Variants in STK17A observed in about 807,000 individuals in gnomAD.
STK17A encodes serine/threonine-protein kinase 17A.
STK17A carries 26 observed loss-of-function variants against 43.7 expected under a neutral mutation model. That is an observed-to-expected ratio of 0.60 (90% CI 0.44 to 0.83). The LOEUF is 0.83. Ranked by LOEUF, STK17A falls within the 40% of genes least tolerant of loss-of-function variation. The pLI is 0.00. For synonymous variants in STK17A, 191 were observed against 182.5 expected, an observed-to-expected ratio of 1.05 and a Z score of -0.38; for missense variants, 476 against 511.6, an observed-to-expected ratio of 0.93 and a Z score of 0.67.
At chr7:43,620,119 A>T (rs1040081672) in intron 4 of STK17A, among the ~76,000 whole-genome samples, 5 of 152,186 alleles carry the variant, frequency 3.3e-5, no homozygotes, top group African/African-American at 1.2e-4. Flanking sequence ...AGAAGTGTGG[A>T]GCAGAGAGGG....
chr7:43,603,340 G>A (rs1383463614), intron 2 of STK17A, among the ~76,000 whole-genome samples: 1 of 152,034 alleles, frequency 6.6e-6, no homozygotes, highest in African/African-American at 2.4e-5. Context: ...ATTCTCAGCC[G>A]CATCAATAGA....
In STK17A at chr7:43,624,789, T is replaced by C; in HGVS notation, c.1192T>C (p.Phe398Leu). 2.5e-6 allele frequency: 4 copies of C among 1,610,706 alleles called. No individual in the cohort carries two copies. The highest frequency in any genetic ancestry group is 3.4e-6 in the Non-Finnish European group (4 of 1,178,124). ...KMEQKAISKR[F>L]KFEEPLLQEI... ...GGAGCAAAAGGCCATTTCCAAACGATTTAAATTTGAGGAACCTTTGCTACA... is the reference window on the plus strand; with the variant it reads ...GGAGCAAAAGGCCATTTCCAAACGACTTAAATTTGAGGAACCTTTGCTACA... The change falls in exon 7 of 7, where the codon TTT becomes CTT. Residue 398 changes from phenylalanine to leucine, a missense_variant. By Grantham distance (22) the Phe-to-Leu change is conservative. Around this residue, in one of 3 missense-constraint regions of STK17A, gnomAD observed 110 missense variants for 103.7 expected, o/e 1.06. Coordinates refer to ENST00000319357, the MANE Select transcript of STK17A (RefSeq NM_004760.3).
At position 43,586,103 on chromosome 7, in the gene STK17A, C is replaced by T. The variant is rs187696381; in HGVS notation, c.206+2654C>T. Among the ~76,000 whole-genome samples, 149 of 151,634 alleles carry T rather than the reference C, an allele frequency of 9.8e-4. 1 individual carries two copies. Among genetic ancestry groups the T allele is most frequent in the African/African-American group, 3.3e-3 (137 of 41,500 alleles). On this transcript the variant is annotated intron_variant, in intron 1 of 6. Transcript: ENST00000319357. ...AACTCTGGTTGCATTTCTGATATAACTAATTAATCTCACGCTGATAAAGAA... is the reference window on the plus strand; with the variant it reads ...AACTCTGGTTGCATTTCTGATATAATTAATTAATCTCACGCTGATAAAGAA...
At position 43,604,136 on chromosome 7, in the gene STK17A, C is replaced by A. The variant is rs540751621; in HGVS notation, c.420-4120C>A. On this transcript the variant is annotated intron_variant, in intron 2 of 6. Transcript: ENST00000319357. ...GTGCCAGGCACTATGCTAAGTCTTCCAGCTTTATATATATTACTTATATGC... is the reference window on the plus strand; with the variant it reads ...GTGCCAGGCACTATGCTAAGTCTTCAAGCTTTATATATATTACTTATATGC... Among the ~76,000 whole-genome samples, 12 of 152,128 alleles carry A rather than the reference C, an allele frequency of 7.9e-5. No homozygotes were observed. The South Asian group carries it at 2.5e-3, about 32-fold the overall frequency.
chr7:43,602,651 C>T (rs1486544495), intron 2 of STK17A, among the ~76,000 whole-genome samples: 1 of 152,164 alleles, frequency 6.6e-6, no homozygotes, highest in Non-Finnish European at 1.5e-5. Context: ...GCCGTTTATC[C>T]TTTTCTACTA....
intron 1 of STK17A, among the ~76,000 whole-genome samples, chr7:43,591,168 G>C (rs905927734): frequency 9.9e-5 from 15 of 151,672 alleles, no homozygotes; most frequent in Admixed American, 8.5e-4. Flanking sequence ...TGATGGAAGA[G>C]TTTTATTCAG....
intron 1 of STK17A, among the ~76,000 whole-genome samples, chr7:43,591,093 A>G (rs746160703): frequency 1.3e-5 from 2 of 151,476 alleles, no homozygotes; most frequent in Non-Finnish European, 3.0e-5. Flanking sequence ...GAAGGCATGC[A>G]TGCTTCCTCA....
At chr7:43,610,776 A>G (rs28380204) in intron 3 of STK17A, among the ~76,000 whole-genome samples, 22,333 of 152,200 alleles carry the variant, frequency 0.15, 2,187 homozygotes, top group Non-Finnish European at 0.21. Context: ...ATTTAATACT[A>G]TATAAATAAC....
chr7:43,592,246 A>C (rs2082484672), intron 1 of STK17A, among the ~76,000 whole-genome samples: 1 of 151,514 alleles, frequency 6.6e-6, no homozygotes, highest in African/African-American at 2.4e-5. Flanking sequence ...TGTGGGATAA[A>C]ATGAAAGGTA....
chr7:43,597,380 C>T (rs1278866899), intron 2 of STK17A, among the ~76,000 whole-genome samples: 1 of 151,636 alleles, frequency 6.6e-6, no homozygotes, highest in Non-Finnish European at 1.5e-5. Context: ...TAGTTCAGCA[C>T]TTTGTTGTTA....
At chr7:43,600,299 C>T (rs1045957817) in intron 2 of STK17A, among the ~76,000 whole-genome samples, 4 of 152,140 alleles carry the variant, frequency 2.6e-5, no homozygotes, top group Admixed American at 2.6e-4. Flanking sequence ...AATCCCCTCC[C>T]TAGAATTCAG....
At chr7:43,593,735 T>A (rs2082495365) in intron 1 of STK17A, among the ~76,000 whole-genome samples, 1 of 152,192 alleles carries the variant, frequency 6.6e-6, no homozygotes, top group Non-Finnish European at 1.5e-5. Flanking sequence ...TTTTCTCGTT[T>A]TTTGAGTTCC....
chr7:43,614,548 T>G (rs188906439), intron 3 of STK17A, among the ~76,000 whole-genome samples: 1 of 152,350 alleles, frequency 6.6e-6, no homozygotes, highest in East Asian at 1.9e-4. Context: ...GTCCTGTAAT[T>G]GTATATATAT....
Position 43,625,017 on chromosome 7 carries a change from C to A in STK17A, c.*175C>A. The A allele has an allele frequency of 1.8e-6, 1 of 550,958 alleles. No homozygotes were observed. Among genetic ancestry groups the A allele is most frequent in the African/African-American group, 1.9e-5 (1 of 51,924 alleles). The allele number at this position is 550,958 out of a possible 1,614,324, so 34.1% of individuals were successfully genotyped here. A position where few individuals can be genotyped will look rare whatever the true frequency, so the allele number is the denominator to read the frequency against. Reference sequence around the variant, plus strand: ...GTGGAAGCCAGATTTTAAAAGTTGCCAACCAGGAGATTTAACAGGTACAGT... The same window carrying A: ...GTGGAAGCCAGATTTTAAAAGTTGCAAACCAGGAGATTTAACAGGTACAGT... On this transcript the variant is annotated 3_prime_UTR_variant, in exon 7 of 7. Transcript: ENST00000319357.
At chr7:43,606,775 C>T (rs2082594354) in intron 2 of STK17A, among the ~76,000 whole-genome samples, 1 of 151,672 alleles carries the variant, frequency 6.6e-6, no homozygotes, top group Middle Eastern at 3.2e-3. Flanking sequence ...GTTAATATGG[C>T]ATTTAGTTTA....
chr7:43,591,084 A>G (rs1053268277), intron 1 of STK17A, among the ~76,000 whole-genome samples: 2 of 151,466 alleles, frequency 1.3e-5, no homozygotes, highest in African/African-American at 4.8e-5. Flanking sequence ...TTTAGAGATG[A>G]AGGCATGCAT....
chr7:43,589,284 A>T (rs2082463770), intron 1 of STK17A, among the ~76,000 whole-genome samples: 1 of 151,586 alleles, frequency 6.6e-6, no homozygotes, highest in Admixed American at 6.6e-5. Flanking sequence ...TGAAACTCAC[A>T]GTCCAGCTGG....
chr7:43,625,180 A>C lies in STK17A; in HGVS notation c.*338A>C. 1 of 199,636 alleles carries C rather than the reference A, an allele frequency of 5.0e-6. No individual in the cohort carries two copies. Among genetic ancestry groups the C allele is most frequent in the Non-Finnish European group, 1.0e-5 (1 of 97,998 alleles). The allele number at this position is 199,636 out of a possible 1,614,324, so 12.4% of individuals were successfully genotyped here. On this transcript the variant is annotated 3_prime_UTR_variant, in exon 7 of 7. Coordinates refer to ENST00000319357, the MANE Select transcript of STK17A (RefSeq NM_004760.3). Reference sequence around the variant, plus strand: ...AAAAAATCCAAGTAAAAGTGCCAAAACTACACTTCTGTAAATCTCTTGCAT... The same window carrying C: ...AAAAAATCCAAGTAAAAGTGCCAAACCTACACTTCTGTAAATCTCTTGCAT...
At position 43,619,604 on chromosome 7, in the gene STK17A, A is replaced by G; in HGVS notation, c.572A>G (p.Asn191Ser). 2 of 1,613,366 alleles carry G rather than the reference A, an allele frequency of 1.2e-6. No individual in the cohort carries two copies. Among genetic ancestry groups the G allele is most frequent in the Non-Finnish European group, 1.7e-6 (2 of 1,179,772 alleles). ...DVVHLDLKPQ[N>S]ILLTSESPLG... ...GGGTGTATTTTCTTTTAGCCTCAGA[A>G]TATTCTGTTGACAAGTGAATCTCCA... Residue 191 changes from asparagine (N) to serine (S), a missense_variant, in exon 4 of 7, where the codon AAT becomes AGT. By Grantham distance (46) the Asn-to-Ser change is conservative. This residue lies in a region of STK17A where 320 missense variants were observed against 326.3 expected (regional missense o/e 0.98). Coordinates refer to ENST00000319357, the MANE Select transcript of STK17A (RefSeq NM_004760.3).
Sources: gnomAD v4.1 joint callset for allele counts (sites outside exome capture counted in the v4.1 genomes callset) on GRCh38, gnomAD v4.1.1 for gene constraint, gnomAD v4.1.1 regional missense constraint, MANE v1.5 for transcripts, NCBI Gene and HGNC (gene_info 2026-07-23, HGNC 2026-07-21) for gene names.